Variants in KIF14 observed in about 807,000 individuals in gnomAD.
KIF14 encodes kinesin-like protein KIF14.
A neutral mutation model predicts 176.2 loss-of-function variants in KIF14; 98 were observed. The ratio of observed to expected loss-of-function variants is 0.56; its 90% CI spans 0.47 to 0.66. The LOEUF (loss-of-function observed/expected upper bound fraction) is 0.66. KIF14 is among the 30% of genes least tolerant of loss of function. KIF14 has a pLI of 0.00. For missense variants in KIF14, 1,751 were observed against 1,920.4 expected, an observed-to-expected ratio of 0.91 and a Z score of 1.65; for synonymous variants, 566 against 632.2, an observed-to-expected ratio of 0.90 and a Z score of 1.57.
At position 200,551,984 on chromosome 1, in the gene KIF14, C is replaced by T. The variant is rs1275412624; in HGVS notation, c.*1404G>A. On this transcript the variant is annotated 3_prime_UTR_variant, in exon 30 of 30. Transcript: ENST00000367350. ...AAACACCACACAAGGTTCACTAATA[C>T]TGTTCTGACTGCAATGACTGTATTT... 1 of 152,220 alleles carries T rather than the reference C, an allele frequency of 6.6e-6. No individual in the cohort carries two copies. The highest frequency in any genetic ancestry group is 2.1e-4 in the South Asian group (1 of 4,828). The allele number at this position is 152,220 out of a possible 1,614,324, so 9.4% of individuals were successfully genotyped here. A position where few individuals can be genotyped will look rare whatever the true frequency, so the allele number is the denominator to read the frequency against.
rs376771456 is a variant in KIF14, at chr1:200,553,704, T to C, written c.4631A>G (p.Asp1544Gly). The C allele has an allele frequency of 1.1e-5, 17 of 1,612,380 alleles. No individual in the cohort carries two copies. The African/African-American group carries it at 2.0e-4, about 19-fold the overall frequency. Reference protein sequence around the residue: ...CVESIRNLASDFYSDFSVPST... With the variant: ...CVESIRNLASGFYSDFSVPST... The stretch of plus-strand genomic sequence containing the variant: ...AGGCACACTGAAGTCACTGTAAAAA[T>C]CACTGGCCAAGTTGCGAATACTTTC... The change falls in exon 30 of 30, where the codon GAT (aspartate) becomes GGT (glycine). Residue 1544 changes from aspartate (D) to glycine (G), a missense_variant. Transcript: ENST00000367350.
intron 13 of KIF14, among the ~76,000 whole-genome samples, chr1:200,599,661 A>C (rs1184193224): frequency 1.3e-5 from 2 of 152,230 alleles, no homozygotes; most frequent in Non-Finnish European, 2.9e-5. Context: ...TACTGAAATC[A>C]CATTGCATTT....
intron 8 of KIF14, among the ~76,000 whole-genome samples, chr1:200,604,309 C>T (rs541069209): frequency 9.9e-5 from 15 of 152,246 alleles, no homozygotes; most frequent in African/African-American, 3.4e-4. Flanking sequence ...CTCAAGTGAT[C>T]CTCCTGCCTC....
rs1659901809 is a variant in KIF14 at position 200,606,760 on chromosome 1, A to C, written c.1593T>G (p.Val531=). The change falls in exon 6 of 30, where the codon GTT becomes GTG. Residue 531 remains valine, a synonymous_variant. Coordinates refer to ENST00000367350, the MANE Select transcript of KIF14 (RefSeq NM_014875.3). ...VREHPVYGPY[V]EALSMNIVSS... Reference sequence around the variant, plus strand: ...CAAATACTTACATTGACAGTGCTTCAACATATGGTCCATAAACAGGATGTT... The same window carrying C: ...CAAATACTTACATTGACAGTGCTTCCACATATGGTCCATAAACAGGATGTT... 6.2e-7 allele frequency: 1 copy of C among 1,613,654 alleles called. No homozygotes were observed.
chr1:200,605,324 G>A lies in KIF14; in HGVS notation c.1705C>T (p.Arg569Ter), dbSNP rs1468078375. ...ACCAGGGTGAAAACTGAATGAGATC[G>A]GGAACTTTTATCATTCATACCAGTA... Reference protein sequence around the residue: ...AATGMNDKSSRSHSVFTLVMT... With the variant: ...AATGMNDKSS Residue 569 changes from arginine to a stop codon, truncating the protein, a stop_gained, in exon 8 of 30, where the codon CGA becomes TGA. Coordinates refer to ENST00000367350, the MANE Select transcript of KIF14 (RefSeq NM_014875.3). LOFTEE classifies it high-confidence loss of function. 1.9e-6 allele frequency: 3 copies of A among 1,613,350 alleles called. No homozygotes were observed. Among genetic ancestry groups the A allele is most frequent in the Non-Finnish European group, 2.5e-6 (3 of 1,179,680 alleles).
At position 200,564,989 on chromosome 1, in the gene KIF14, T is replaced by G. The variant is rs749196924; in HGVS notation, c.4071+80A>C. ...TTTGAAAATCATACAGAGCTAATTT[T>G]GGGGAAGATATAGACAGTAGAAAGC... On this transcript the variant is annotated intron_variant, in intron 25 of 29. Coordinates refer to ENST00000367350, the MANE Select transcript of KIF14 (RefSeq NM_014875.3). 9.5e-4 allele frequency: 1,022 copies of G among 1,078,030 alleles called. 3 individuals carry two copies. The highest frequency in any genetic ancestry group is 1.2e-3 in the Non-Finnish European group (876 of 746,088). 66.8% of individuals were successfully genotyped at this position (1,078,030 alleles called of 1,614,324 possible).
chr1:200,596,886 CTCTTT>C (rs1350231787), intron 14 of KIF14, among the ~76,000 whole-genome samples: 3 of 136,612 alleles, frequency 2.2e-5, no homozygotes, highest in Non-Finnish European at 3.1e-5. Context: ...CTCTCTCTCT[CTCTTT>C]TTTTTTTTTT....
rs981349334 is a variant in KIF14, at chr1:200,565,669, C to A, written c.3662G>T (p.Gly1221Val). The change falls in exon 24 of 30, where the codon GGT becomes GTT. Residue 1221 changes from glycine to valine, a missense_variant and splice_region_variant. By Grantham distance (109) the Gly-to-Val change is moderately radical. Transcript: ENST00000367350. ...AATAGTGCTTGATTTGTCCATTAAA[C>A]CTACATCAACAGAAAATAGCCATTT... ...IKNLHSSHSS[G>V]LMDKSSTIYS... The A allele has an allele frequency of 6.4e-7, 1 of 1,562,888 alleles. No homozygotes were observed. Among genetic ancestry groups the A allele is most frequent in the Non-Finnish European group, 8.6e-7 (1 of 1,159,918 alleles).
intron 19 of KIF14, among the ~76,000 whole-genome samples, chr1:200,583,780 A>G (rs968201316): frequency 2.0e-5 from 3 of 151,762 alleles, no homozygotes; most frequent in Non-Finnish European, 4.4e-5. Context: ...TGTCTCTACT[A>G]AAAATACAAA....
At chr1:200,586,678 C>T (rs1405742420) in intron 18 of KIF14, among the ~76,000 whole-genome samples, 1 of 150,528 alleles carries the variant, frequency 6.6e-6, no homozygotes, top group African/African-American at 2.4e-5. Flanking sequence ...AAGACTCCTG[C>T]ATGTGTATGC....
intron 25 of KIF14, 94 bp downstream of exon 25, chr1:200,564,975 T>C (rs1189936172): frequency 2.3e-5 from 22 of 939,022 alleles, no homozygotes; most frequent in Middle Eastern, 2.8e-4. Context: ...TTGAAAATCA[T>C]ACAGAGCTAA....
chr1:200,561,411 C>T (rs1336078437), intron 25 of KIF14, among the ~76,000 whole-genome samples: 5 of 151,266 alleles, frequency 3.3e-5, no homozygotes, highest in East Asian at 1.9e-4. Flanking sequence ...TGGTGGCGGG[C>T]GCCTGTAGTC....
chr1:200,565,586 A>C lies in KIF14; in HGVS notation c.3745T>G (p.Ser1249Ala), dbSNP rs774328197. Residue 1249 changes from serine to alanine, a missense_variant, in exon 24 of 30, where the codon TCG becomes GCG. Transcript: ENST00000367350. The part of the protein sequence containing the change: ...PGICKELIGS[S>A]LDFFGQSYDE... The stretch of plus-strand genomic sequence containing the variant: ...TAACTCTGTCCAAAAAAATCTAACG[A>C]AGAACCAATCAATTCTTTGCAAATT... 1 of 1,612,458 alleles carries C rather than the reference A, an allele frequency of 6.2e-7. No individual in the cohort carries two copies. Among genetic ancestry groups the C allele is most frequent in the Admixed American group, 1.7e-5 (1 of 59,800 alleles).
chr1:200,599,476 T>A (rs1173227379), intron 13 of KIF14, among the ~76,000 whole-genome samples: 1 of 152,222 alleles, frequency 6.6e-6, no homozygotes, highest in Non-Finnish European at 1.5e-5. Flanking sequence ...ACCTCTTTTA[T>A]GAGATTGGAT....
chr1:200,589,366 C>G lies in KIF14; in HGVS notation c.2965G>C (p.Glu989Gln), dbSNP rs768639547. The G allele has an allele frequency of 1.2e-6, 2 of 1,600,544 alleles. No homozygotes were observed. The highest frequency in any genetic ancestry group is 1.7e-6 in the Non-Finnish European group (2 of 1,173,286). ...TGCATTTTTTTCCTTTGAGACTCTT[C>G]TCTCTTTAAAGAACAATAATAAAAA... is the stretch of plus-strand genomic sequence containing the variant. ...KIKALEAELR[E>Q]ESQRKKMQEI... The change falls in exon 18 of 30, where the codon GAA becomes CAA. Residue 989 changes from glutamate (E) to glutamine (Q), a missense_variant. Coordinates refer to ENST00000367350, the MANE Select transcript of KIF14 (RefSeq NM_014875.3).
At chr1:200,567,236 C>A (rs73070680) in intron 23 of KIF14, among the ~76,000 whole-genome samples, 28,452 of 149,402 alleles carry the variant, frequency 0.19, 3,322 homozygotes, top group African/African-American at 0.32. Context: ...TTGAGGTATA[C>A]TACAATCAAG....
At chr1:200,612,677 G>A (rs1660212638) in intron 4 of KIF14, among the ~76,000 whole-genome samples, 1 of 152,098 alleles carries the variant, frequency 6.6e-6, no homozygotes, top group Non-Finnish European at 1.5e-5. Context: ...CCACAGAAGA[G>A]ACAGAACTCA....
At chr1:200,567,939 G>T (rs529897665) in intron 23 of KIF14, among the ~76,000 whole-genome samples, 121 of 151,928 alleles carry the variant, frequency 8.0e-4, no homozygotes, top group Admixed American at 2.0e-3. Flanking sequence ...GAGTCATCGA[G>T]AAGAGTTAAC....
At chr1:200,562,891 C>A (rs1290842370) in intron 25 of KIF14, among the ~76,000 whole-genome samples, 1 of 152,050 alleles carries the variant, frequency 6.6e-6, no homozygotes, top group Non-Finnish European at 1.5e-5. Flanking sequence ...AACCAAACAT[C>A]TATCACATAA....
Sources: allele counts gnomAD v4.1 joint callset (sites outside exome capture counted in the v4.1 genomes callset), GRCh38; gene constraint gnomAD v4.1.1; transcripts MANE v1.5; gene names NCBI Gene and HGNC (gene_info 2026-07-23, HGNC 2026-07-21).